Variants in MEOX2 observed in about 807,000 individuals in gnomAD.
MEOX2 encodes mesenchyme homeobox 2, also known as homeobox protein MOX-2.
MEOX2 carries 11 observed loss-of-function variants against 27.0 expected under a neutral mutation model. That is an observed-to-expected ratio of 0.41 (90% CI 0.26 to 0.68). The LOEUF is 0.68. Among genes scored for constraint, MEOX2 ranks in the 30% least tolerant of loss-of-function variants. MEOX2 has a pLI of 0.33. For missense variants in MEOX2, 436 were observed against 385.4 expected, an observed-to-expected ratio of 1.13 and a Z score of -1.10; for synonymous variants, 189 against 155.4, an observed-to-expected ratio of 1.22 and a Z score of -1.61.
intron 2 of MEOX2, among the ~76,000 whole-genome samples, chr7:15,613,758 A>G (rs1350974201): frequency 6.6e-6 from 1 of 152,086 alleles, no homozygotes; most frequent in Admixed American, 6.6e-5. Context: ...AAAAGACTCT[A>G]TTTATTTATT....
At chr7:15,661,948 G>T (rs1781925570) in intron 1 of MEOX2, among the ~76,000 whole-genome samples, 1 of 151,894 alleles carries the variant, frequency 6.6e-6, no homozygotes, top group South Asian at 2.1e-4. Flanking sequence ...AGTTAAATAG[G>T]GTATAATAAA....
At chr7:15,635,924 A>C (rs116357419) in intron 1 of MEOX2, among the ~76,000 whole-genome samples, 2,602 of 152,084 alleles carry the variant, frequency 0.017, 83 homozygotes, top group African/African-American at 0.061. Context: ...TTTCCTCTGC[A>C]AGTTTTATTT....
Position 15,642,758 on chromosome 7 carries a change from T to TA in MEOX2, c.518-15841dup, listed in dbSNP as rs1334297785. 7.2e-5 allele frequency among the ~76,000 whole-genome samples: 11 copies of TA among 152,338 alleles called. No individual in the cohort carries two copies. The South Asian group carries it at 2.3e-3, about 32-fold the overall frequency. On this transcript the variant is annotated intron_variant, in intron 1 of 2. Transcript: ENST00000262041. Reference sequence around the variant, plus strand: ...AGCTATTACTTCTTATTTTTGAACTTACTTTCATTTGAGTGGAGGTTTCCC... The same window carrying TA: ...AGCTATTACTTCTTATTTTTGAACTTAACTTTCATTTGAGTGGAGGTTTCCC...
chr7:15,628,955 C>T (rs1781358194), intron 1 of MEOX2, among the ~76,000 whole-genome samples: 1 of 152,014 alleles, frequency 6.6e-6, no homozygotes, highest in South Asian at 2.1e-4. Flanking sequence ...GAACTTTTGC[C>T]AATTTGGATC....
At chr7:15,670,590 T>A (rs988566267) in intron 1 of MEOX2, among the ~76,000 whole-genome samples, 52 of 152,224 alleles carry the variant, frequency 3.4e-4, no homozygotes, top group African/African-American at 1.1e-3. Flanking sequence ...ATCTATTGAG[T>A]ACTTGGAACG....
intron 2 of MEOX2, among the ~76,000 whole-genome samples, chr7:15,621,038 T>C (rs1781215691): frequency 6.6e-6 from 1 of 152,192 alleles, no homozygotes; most frequent in Non-Finnish European, 1.5e-5. Context: ...GGTGGGAGTT[T>C]TCTCCAAGTT....
chr7:15,621,374 T>C (rs1352945398), intron 2 of MEOX2, among the ~76,000 whole-genome samples: 1 of 152,228 alleles, frequency 6.6e-6, no homozygotes, highest in East Asian at 1.9e-4. Flanking sequence ...TGTGCTAACA[T>C]GGAATTACTT....
chr7:15,666,084 A>G (rs1027654393), intron 1 of MEOX2, among the ~76,000 whole-genome samples: 4 of 152,174 alleles, frequency 2.6e-5, no homozygotes, highest in Admixed American at 6.5e-5. Flanking sequence ...AGCTCTCAAG[A>G]TAAAGATGGA....
intron 1 of MEOX2, among the ~76,000 whole-genome samples, chr7:15,627,808 A>AACATACACACAC: frequency 6.8e-6 from 1 of 147,406 alleles, no homozygotes; most frequent in East Asian, 2.0e-4. Context: ...ATCAATAGTA[A>AACATACACACAC]ACACACACAC....
At chr7:15,618,629 G>A (rs566789207) in intron 2 of MEOX2, among the ~76,000 whole-genome samples, 2 of 151,818 alleles carry the variant, frequency 1.3e-5, no homozygotes, top group Non-Finnish European at 2.9e-5. Context: ...TATATAAGAA[G>A]AGTAGAATAC....
At chr7:15,614,754 C>T (rs1406507014) in intron 2 of MEOX2, among the ~76,000 whole-genome samples, 1 of 152,044 alleles carries the variant, frequency 6.6e-6, no homozygotes, top group Non-Finnish European at 1.5e-5. Context: ...CATTCTTCTA[C>T]GTTAGAAATA....
chr7:15,650,544 A>G (rs1781718372), intron 1 of MEOX2, among the ~76,000 whole-genome samples: 1 of 152,106 alleles, frequency 6.6e-6, no homozygotes, highest in Non-Finnish European at 1.5e-5. Flanking sequence ...GACTAATGCC[A>G]TATCTTGTGA....
At chr7:15,633,434 T>C (rs1049552565) in intron 1 of MEOX2, among the ~76,000 whole-genome samples, 3 of 151,878 alleles carry the variant, frequency 2.0e-5, no homozygotes, top group African/African-American at 7.2e-5. Flanking sequence ...TTGTGACATT[T>C]CTAATTTACA....
intron 1 of MEOX2, among the ~76,000 whole-genome samples, chr7:15,644,345 T>G (rs1781610248): frequency 6.6e-6 from 1 of 152,206 alleles, no homozygotes; most frequent in Admixed American, 6.5e-5. Context: ...CAGAGTTCTG[T>G]GGCTAAATAT....
chr7:15,662,330 C>T (rs779201850), intron 1 of MEOX2, among the ~76,000 whole-genome samples: 2 of 151,650 alleles, frequency 1.3e-5, no homozygotes, highest in Non-Finnish European at 2.9e-5. Flanking sequence ...TTCAGTTCTC[C>T]ATTTTCTTAA....
chr7:15,624,606 C>A (rs1330204146), intron 2 of MEOX2, among the ~76,000 whole-genome samples: 1 of 152,108 alleles, frequency 6.6e-6, no homozygotes, highest in African/African-American at 2.4e-5. Flanking sequence ...GAAGATGAAA[C>A]CACAGCTGAG....
chr7:15,629,954 T>A (rs1781376014), intron 1 of MEOX2, among the ~76,000 whole-genome samples: 1 of 151,988 alleles, frequency 6.6e-6, no homozygotes, highest in Non-Finnish European at 1.5e-5. Context: ...AGTCCCTCCC[T>A]TTTCTTCAAC....
intron 1 of MEOX2, among the ~76,000 whole-genome samples, chr7:15,664,978 ATTTG>A (rs1269643322): frequency 6.6e-6 from 1 of 151,484 alleles, no homozygotes; most frequent in African/African-American, 2.4e-5. Context: ...CTTAATAGTG[ATTTG>A]TTTATTTCAG....
At chr7:15,642,991 G>A (rs934952436) in intron 1 of MEOX2, among the ~76,000 whole-genome samples, 1 of 152,200 alleles carries the variant, frequency 6.6e-6, no homozygotes, top group Non-Finnish European at 1.5e-5. Context: ...AGGATAAAGT[G>A]TTGGAGGTCT....
Sources: allele counts gnomAD v4.1 joint callset (sites outside exome capture counted in the v4.1 genomes callset), GRCh38; gene constraint gnomAD v4.1.1; transcripts MANE v1.5; gene names NCBI Gene and HGNC (gene_info 2026-07-23, HGNC 2026-07-21).